Variants in PACS1 observed in about 807,000 individuals in gnomAD.
PACS1 encodes the protein phosphofurin acidic cluster sorting protein 1.
In PACS1, 24 loss-of-function variants were observed where a neutral mutation model predicts 115.0. That is an observed-to-expected ratio of 0.21 (90% CI 0.15 to 0.29). The LOEUF (loss-of-function observed/expected upper bound fraction) is 0.29. Among genes scored for constraint, PACS1 ranks in the 10% least tolerant of loss-of-function variants. The probability of loss-of-function intolerance (pLI) is 1.00; values close to 1 mark genes in which losing one functional copy is unlikely to be tolerated. For synonymous variants in PACS1, 453 were observed against 504.5 expected (o/e 0.90, Z 1.37); for missense variants, 838 against 1,251.2 (o/e 0.67, Z 4.98).
chr11:66,199,450 A>G (rs759308094), intron 2 of PACS1, among the ~76,000 whole-genome samples: 11 of 152,130 alleles, frequency 7.2e-5, no homozygotes, highest in Non-Finnish European at 1.3e-4. Context: ...GTTTTATAAG[A>G]TGTTATTTGC....
In PACS1 at chr11:66,244,621, G is replaced by C. The variant is rs2134759779; in HGVS notation, c.*1341G>C. ...CATACCTCCCCCAAGCTCTCCTCCA[G>C]CCCTTCCCAGGGCTCAGCCCTGCTG... On this transcript the variant is annotated 3_prime_UTR_variant, in exon 24 of 24. Transcript: ENST00000320580. 1 of 152,442 alleles carries C rather than the reference G, an allele frequency of 6.6e-6. No homozygotes were observed. Among genetic ancestry groups the C allele is most frequent in the Non-Finnish European group, 1.5e-5 (1 of 68,092 alleles). 9.4% of individuals were successfully genotyped at this position (152,442 alleles called of 1,614,324 possible). A position where few individuals can be genotyped will look rare whatever the true frequency, so the allele number is the denominator to read the frequency against.
At chr11:66,220,936 ACT>A (rs2134718445) in intron 9 of PACS1, 145 bp downstream of exon 9, 1 of 1,038,642 alleles carries the variant, frequency 9.6e-7, no homozygotes, top group South Asian at 1.6e-5. Context: ...GGAGAAGGTC[ACT>A]GTTTTGCCTC....
At chr11:66,193,654 A>G in intron 2 of PACS1, 81 bp downstream of exon 2, 1 of 906,626 alleles carries the variant, frequency 1.1e-6, no homozygotes, top group Non-Finnish European at 1.8e-6. Flanking sequence ...CAGAAACACT[A>G]CTGGGACCAC....
chr11:66,219,596 G>A (rs758259061), intron 7 of PACS1, 150 bp from the exon 8 acceptor site: 25 of 732,082 alleles, frequency 3.4e-5, no homozygotes, highest in Non-Finnish European at 5.3e-5. Context: ...CTTCCTGACA[G>A]GCTTTGAGTG....
intron 1 of PACS1, among the ~76,000 whole-genome samples, chr11:66,093,840 A>C (rs1209602385): frequency 6.6e-6 from 1 of 152,226 alleles, no homozygotes; most frequent in Non-Finnish European, 1.5e-5. Context: ...CATTATAACA[A>C]ACTGTCTCTC....
At position 66,190,925 on chromosome 11, in the gene PACS1, C is replaced by T. The variant is rs188572287; in HGVS notation, c.357-2561C>T. On this transcript the variant is annotated intron_variant, in intron 1 of 23. Coordinates refer to ENST00000320580, the MANE Select transcript of PACS1 (RefSeq NM_018026.4). ...AGGTCACAGGCTGAGGAGGCGGTGA[C>T]GTGATGGGGAAGGGCCAGGCCCTGG... Among the ~76,000 whole-genome samples the T allele has an allele frequency of 2.6e-5, 4 of 152,216 alleles. No individual in the cohort carries two copies. The East Asian group carries it at 7.7e-4, about 29-fold the overall frequency.
At chr11:66,193,835 G>C (rs1854587054) in intron 2 of PACS1, among the ~76,000 whole-genome samples, 1 of 152,218 alleles carries the variant, frequency 6.6e-6, no homozygotes. Flanking sequence ...AGGATCAAGT[G>C]ATATAGATCC....
chr11:66,193,655 C>A, intron 2 of PACS1, 82 bp downstream of exon 2: 1 of 886,208 alleles, frequency 1.1e-6, no homozygotes, highest in East Asian at 2.5e-5. Context: ...AGAAACACTA[C>A]TGGGACCACC....
At chr11:66,166,015 C>T (rs1002769872) in intron 1 of PACS1, among the ~76,000 whole-genome samples, 3 of 152,172 alleles carry the variant, frequency 2.0e-5, no homozygotes, top group Non-Finnish European at 4.4e-5. Context: ...AGCAGCAGGG[C>T]GATCTTGCAC....
chr11:66,078,052 G>T (rs1857424877), intron 1 of PACS1, among the ~76,000 whole-genome samples: 5 of 152,110 alleles, frequency 3.3e-5, no homozygotes, highest in Admixed American at 3.3e-4. Context: ...TGAGTTTAGT[G>T]CTAGCTTCAA....
intron 4 of PACS1, among the ~76,000 whole-genome samples, chr11:66,212,043 A>C (rs529897421): frequency 6.6e-6 from 1 of 152,192 alleles, no homozygotes; most frequent in African/African-American, 2.4e-5. Flanking sequence ...CAGCATTACC[A>C]CAGAAGTGCT....
chr11:66,187,256 A>G (rs1254123084), intron 1 of PACS1, among the ~76,000 whole-genome samples: 1 of 152,204 alleles, frequency 6.6e-6, no homozygotes. Flanking sequence ...CATGCAATGT[A>G]TGATGAACAG....
chr11:66,102,994 C>T (rs1203476755), intron 1 of PACS1, among the ~76,000 whole-genome samples: 4 of 151,976 alleles, frequency 2.6e-5, no homozygotes, highest in Non-Finnish European at 5.9e-5. Flanking sequence ...CCACGCCCAG[C>T]TAATTTTTGT....
At position 66,235,530 on chromosome 11, in the gene PACS1, A is replaced by G. The variant is rs1855689074; in HGVS notation, c.2207+127A>G. On this transcript the variant is annotated intron_variant, in intron 18 of 23. Transcript: ENST00000320580. This position sits in a 1 kb window ranked among gnomAD's most constrained non-coding sequence, Gnocchi z 5.6. ...TTCCTTCATAGGAACCCAAAAGGATATGAGTGGTTTTTACCACCACCTCCC... is the reference window on the plus strand; with the variant it reads ...TTCCTTCATAGGAACCCAAAAGGATGTGAGTGGTTTTTACCACCACCTCCC... The G allele has an allele frequency of 8.2e-6, 6 of 730,934 alleles. No individual in the cohort carries two copies. In the Admixed American group the frequency reaches 1.0e-4, roughly 12 times the overall value. The allele number at this position is 730,934 out of a possible 1,614,324, so 45.3% of individuals were successfully genotyped here. A position where few individuals can be genotyped will look rare whatever the true frequency, so the allele number is the denominator to read the frequency against.
intron 1 of PACS1, among the ~76,000 whole-genome samples, chr11:66,101,418 C>T (rs1400555323): frequency 6.6e-6 from 1 of 152,138 alleles, no homozygotes; most frequent in Non-Finnish European, 1.5e-5. Flanking sequence ...CTAATTTTTG[C>T]ATCCTGTTTT....
chr11:66,216,825 G>A lies in PACS1; in HGVS notation c.978+50G>A, dbSNP rs1220700456. On this transcript the variant is annotated intron_variant, in intron 7 of 23. Coordinates refer to ENST00000320580, the MANE Select transcript of PACS1 (RefSeq NM_018026.4). Reference sequence around the variant, plus strand: ...GGTTGGCTAAGATTTTCAGTCTGGGGGTAGGTTGGCAGCAGCATATTCAGG... The same window carrying A: ...GGTTGGCTAAGATTTTCAGTCTGGGAGTAGGTTGGCAGCAGCATATTCAGG... The A allele has an allele frequency of 2.8e-6, 4 of 1,407,578 alleles. No individual in the cohort carries two copies. In the East Asian group the frequency reaches 9.2e-5, roughly 32 times the overall value. The allele number at this position is 1,407,578 out of a possible 1,614,324, so 87.2% of individuals were successfully genotyped here.
In PACS1 at chr11:66,233,540, C is replaced by T. The variant is rs901609295; in HGVS notation, c.1839-245C>T. 3.3e-5 allele frequency among the ~76,000 whole-genome samples: 5 copies of T among 152,226 alleles called. No individual in the cohort carries two copies. The highest frequency in any genetic ancestry group is 1.3e-4 in the Admixed American group (2 of 15,286). On this transcript the variant is annotated intron_variant, in intron 15 of 23. Coordinates refer to ENST00000320580, the MANE Select transcript of PACS1 (RefSeq NM_018026.4). This position sits in a 1 kb window ranked among gnomAD's most constrained non-coding sequence, Gnocchi z 4.5. Reference sequence around the variant, plus strand: ...CCTGCGGGCATCCCAGGCACACTGCCGAGTCCTACGTTAGCCTCAGCTGTT... The same window carrying T: ...CCTGCGGGCATCCCAGGCACACTGCTGAGTCCTACGTTAGCCTCAGCTGTT...
At chr11:66,205,576 G>T (rs1427665012) in intron 2 of PACS1, among the ~76,000 whole-genome samples, 1 of 149,554 alleles carries the variant, frequency 6.7e-6, no homozygotes, top group South Asian at 2.1e-4. Flanking sequence ...TTGAAATAAA[G>T]AATAAATGAA....
chr11:66,210,027 C>G (rs1317753391), intron 2 of PACS1, among the ~76,000 whole-genome samples: 1 of 146,140 alleles, frequency 6.8e-6, no homozygotes, highest in South Asian at 2.2e-4. Flanking sequence ...TTTTTTTTTT[C>G]TTTTTATTAT....
Sources: allele counts gnomAD v4.1 joint callset (sites outside exome capture counted in the v4.1 genomes callset), GRCh38; gene constraint gnomAD v4.1.1; non-coding constraint Gnocchi (gnomAD v3.1); transcripts MANE v1.5; gene names NCBI Gene and HGNC (gene_info 2026-07-23, HGNC 2026-07-21).